Variants in RAD51B observed in about 807,000 individuals in gnomAD.
RAD51B encodes the protein RAD51 paralog B, also known as DNA repair protein RAD51 homolog 2.
A neutral mutation model predicts 42.2 loss-of-function variants in RAD51B; 38 were observed. The ratio of observed to expected loss-of-function variants is 0.90; its 90% CI spans 0.70 to 1.18. The LOEUF is 1.18. Ranked by LOEUF, RAD51B falls within the 50% of genes most tolerant of loss-of-function variation. The probability of loss-of-function intolerance (pLI) is 0.00; values close to 1 mark genes in which losing one functional copy is unlikely to be tolerated. For synonymous variants in RAD51B, 154 were observed against 145.2 expected (o/e 1.06, Z -0.43); for missense variants, 373 against 400.7 (o/e 0.93, Z 0.59).
chr14:67,870,286 C>T (rs531860832), intron 5 of RAD51B, among the ~76,000 whole-genome samples: 3 of 152,146 alleles, frequency 2.0e-5, no homozygotes, highest in South Asian at 2.1e-4. Flanking sequence ...GGTTGCAATC[C>T]GAATCTCTGA....
chr14:68,080,242 A>G (rs1044540676), intron 7 of RAD51B, among the ~76,000 whole-genome samples: 1 of 152,236 alleles, frequency 6.6e-6, no homozygotes, highest in African/African-American at 2.4e-5. Context: ...TTAAGGATGA[A>G]TGGGCTAGTG....
chr14:67,910,501 A>C (rs1566953815), intron 7 of RAD51B, among the ~76,000 whole-genome samples: 1 of 151,412 alleles, frequency 6.6e-6, no homozygotes, highest in Non-Finnish European at 1.5e-5. Flanking sequence ...ATATGTTAAA[A>C]ATAATCTAGG....
At chr14:68,462,504 G>A (rs900188639) in intron 9 of RAD51B, among the ~76,000 whole-genome samples, 2 of 152,240 alleles carry the variant, frequency 1.3e-5, no homozygotes, top group Admixed American at 6.5e-5. Flanking sequence ...TGGGGATCCA[G>A]CATCGAGTAC....
intron 8 of RAD51B, among the ~76,000 whole-genome samples, chr14:68,379,833 C>G (rs1188266639): frequency 6.6e-6 from 1 of 152,308 alleles, no homozygotes; most frequent in African/African-American, 2.4e-5. Flanking sequence ...AAGCAAGGCT[C>G]CCATGGGTGT....
chr14:68,678,795 C>A (rs1246098844), intron 11 of RAD51B, among the ~76,000 whole-genome samples: 1 of 152,210 alleles, frequency 6.6e-6, no homozygotes, highest in East Asian at 1.9e-4. Context: ...ACTCTAGCTT[C>A]TGTGGCATGA....
chr14:68,221,886 TA>T (rs2079934983), intron 7 of RAD51B, among the ~76,000 whole-genome samples: 1 of 152,092 alleles, frequency 6.6e-6, no homozygotes, highest in African/African-American at 2.4e-5. Context: ...AGGACATGAA[TA>T]GACAATTCTG....
At chr14:68,007,745 G>A (rs1288182639) in intron 7 of RAD51B, among the ~76,000 whole-genome samples, 2 of 151,760 alleles carry the variant, frequency 1.3e-5, no homozygotes, top group African/African-American at 2.4e-5. Context: ...GTTCTTTATA[G>A]AGATACTTAT....
At chr14:68,131,604 GAA>G (rs2140679636) in intron 7 of RAD51B, among the ~76,000 whole-genome samples, 1 of 152,252 alleles carries the variant, frequency 6.6e-6, no homozygotes, top group African/African-American at 2.4e-5. Context: ...GCTGAGGCAG[GAA>G]AATCGCTTGA....
intron 7 of RAD51B, among the ~76,000 whole-genome samples, chr14:68,133,064 G>C (rs2140685984): frequency 6.6e-6 from 1 of 152,234 alleles, no homozygotes; most frequent in African/African-American, 2.4e-5. Flanking sequence ...GCTTTTTCCA[G>C]AAAAGAATGT....
intron 9 of RAD51B, among the ~76,000 whole-genome samples, chr14:68,457,113 A>G (rs2085715857): frequency 6.6e-6 from 1 of 151,628 alleles, no homozygotes; most frequent in South Asian, 2.1e-4. Flanking sequence ...GGGTTTTGCC[A>G]TGTTGGTCAG....
intron 7 of RAD51B, among the ~76,000 whole-genome samples, chr14:67,946,882 A>G (rs1432383892): frequency 6.6e-6 from 1 of 152,194 alleles, no homozygotes; most frequent in African/African-American, 2.4e-5. Context: ...GCATTTATAT[A>G]TTTCTGATTA....
intron 9 of RAD51B, among the ~76,000 whole-genome samples, chr14:68,455,265 A>T (rs567899854): frequency 6.6e-6 from 1 of 152,360 alleles, no homozygotes; most frequent in African/African-American, 2.4e-5. Context: ...CCAGAATTCT[A>T]TATCCAGCAA....
At chr14:67,847,982 A>G (rs2069969569) in intron 4 of RAD51B, among the ~76,000 whole-genome samples, 2 of 152,086 alleles carry the variant, frequency 1.3e-5, no homozygotes, top group Admixed American at 6.6e-5. Context: ...ATGGGTATAT[A>G]TTTAGGATAG....
chr14:68,156,208 C>T (rs948203097), intron 7 of RAD51B, among the ~76,000 whole-genome samples: 16 of 152,132 alleles, frequency 1.1e-4, no homozygotes, highest in African/African-American at 3.4e-4. Flanking sequence ...TATGTCATCA[C>T]TTTTTTTGTG....
At chr14:68,330,276 A>C (rs917001239) in intron 8 of RAD51B, among the ~76,000 whole-genome samples, 1 of 152,362 alleles carries the variant, frequency 6.6e-6, no homozygotes, top group African/African-American at 2.4e-5. Flanking sequence ...TTTAACTAAA[A>C]GAAAAGAAGA....
chr14:68,501,006 TCA>T (rs1213599985), intron 10 of RAD51B, among the ~76,000 whole-genome samples: 1 of 152,214 alleles, frequency 6.6e-6, no homozygotes, highest in African/African-American at 2.4e-5. Flanking sequence ...CCTGTGCCTC[TCA>T]CAGTCATGTT....
At chr14:68,116,618 C>T (rs2077553321) in intron 7 of RAD51B, among the ~76,000 whole-genome samples, 1 of 152,182 alleles carries the variant, frequency 6.6e-6, no homozygotes, top group Non-Finnish European at 1.5e-5. Context: ...TTAAGTTTTA[C>T]TGCTTTATTT....
chr14:68,067,926 C>T lies in RAD51B; in HGVS notation c.756+180722C>T, dbSNP rs541756719. Among the ~76,000 whole-genome samples the T allele has an allele frequency of 2.1e-4, 19 of 91,970 alleles. 1 individual carries two copies. In the Admixed American group the frequency reaches 2.3e-3, roughly 11 times the overall value. The allele number at this position is 91,970 out of a possible 152,430, so 60.3% of individuals were successfully genotyped here. A position where few individuals can be genotyped will look rare whatever the true frequency, so the allele number is the denominator to read the frequency against. The stretch of plus-strand genomic sequence containing the variant: ...CAGTCTGTCTGACAGAGCGAGACTC[C>T]ATCTCAAAAAAAAAAAAAAAAAAAA... On this transcript the variant is annotated intron_variant, in intron 7 of 10. Transcript: ENST00000471583.
At chr14:68,174,111 C>G (rs1595508875) in intron 7 of RAD51B, among the ~76,000 whole-genome samples, 1 of 152,230 alleles carries the variant, frequency 6.6e-6, no homozygotes. Context: ...ATTTTGTTAT[C>G]TTTTCTTACT....
Sources: allele counts gnomAD v4.1 joint callset (sites outside exome capture counted in the v4.1 genomes callset), GRCh38; gene constraint gnomAD v4.1.1; transcripts MANE v1.5; gene names NCBI Gene and HGNC (gene_info 2026-07-23, HGNC 2026-07-21).